The following NYAP2 variants were observed in gnomAD, a reference collection of about 807,000 sequenced individuals.
NYAP2 encodes neuronal tyrosine-phosphorylated phosphoinositide-3-kinase adaptor 2.
In NYAP2, 23 loss-of-function variants were observed where a neutral mutation model predicts 50.4. That is an observed-to-expected ratio of 0.46 (90% CI 0.33 to 0.65). The LOEUF (loss-of-function observed/expected upper bound fraction) is 0.65. Ranked by LOEUF, NYAP2 falls within the 30% of genes least tolerant of loss-of-function variation. The pLI is 0.02. For missense variants in NYAP2, 885 were observed against 861.0 expected (o/e 1.03, Z -0.35); for synonymous variants, 394 against 365.2 (o/e 1.08, Z -0.90).
chr2:225,470,859 C>T (rs1013151260), intron 3 of NYAP2, among the ~76,000 whole-genome samples: 1 of 151,774 alleles, frequency 6.6e-6, no homozygotes, highest in Non-Finnish European at 1.5e-5. Context: ...TCTATGTTGC[C>T]TAGCTGGTCT....
chr2:225,638,005 C>T (rs1178268170), intron 6 of NYAP2, among the ~76,000 whole-genome samples: 5 of 152,150 alleles, frequency 3.3e-5, no homozygotes, highest in African/African-American at 1.2e-4. Context: ...TTGTCCTTAA[C>T]TGAACTCTCA....
At chr2:225,513,509 C>T in exon 4 of NYAP2, 1 of 1,613,860 alleles carries the variant, frequency 6.2e-7, no homozygotes, top group South Asian at 1.1e-5. Flanking sequence ...GATCACAGTC[C>T]CTGCACTCGG....
At chr2:225,489,191 CTTTTA>C (rs1559193859) in intron 3 of NYAP2, among the ~76,000 whole-genome samples, 1 of 150,852 alleles carries the variant, frequency 6.6e-6, no homozygotes. Flanking sequence ...TTCTTTCTTT[CTTTTA>C]TTTATTTATT....
At chr2:225,692,664 T>A in the NYAP2 span, among the ~76,000 whole-genome samples, 5 of 152,054 alleles carry the variant, frequency 3.3e-5, no homozygotes, top group Admixed American at 6.6e-5. Context: ...TATGTATGTA[T>A]GAATTATGTA....
At chr2:225,668,754 C>T in the NYAP2 span, among the ~76,000 whole-genome samples, 1 of 152,006 alleles carries the variant, frequency 6.6e-6, no homozygotes, top group Non-Finnish European at 1.5e-5. Flanking sequence ...GCTGCACTCT[C>T]CTGGGTATTA....
chr2:225,500,570 A>G (rs567363453), intron 3 of NYAP2, among the ~76,000 whole-genome samples: 24 of 152,332 alleles, frequency 1.6e-4, no homozygotes, highest in African/African-American at 5.5e-4. Context: ...TACTTTCTAT[A>G]AAGTCTTTTA....
At chr2:225,677,765 T>A in the NYAP2 span, among the ~76,000 whole-genome samples, 3 of 152,184 alleles carry the variant, frequency 2.0e-5, no homozygotes, top group South Asian at 2.1e-4. Context: ...AAATAAAATC[T>A]TCTTGATCAT....
chr2:225,500,027 C>G (rs2106176996), intron 3 of NYAP2, among the ~76,000 whole-genome samples: 1 of 152,070 alleles, frequency 6.6e-6, no homozygotes, highest in African/African-American at 2.4e-5. Context: ...AGTGGAAGAA[C>G]AATATATGTA....
At chr2:225,522,881 C>T (rs1009167455) in intron 4 of NYAP2, among the ~76,000 whole-genome samples, 2 of 152,172 alleles carry the variant, frequency 1.3e-5, no homozygotes, top group African/African-American at 4.8e-5. Flanking sequence ...TGGTTTAACA[C>T]ATTTTAATAC....
chr2:225,559,978 T>C (rs1243473804), intron 4 of NYAP2, among the ~76,000 whole-genome samples: 1 of 152,094 alleles, frequency 6.6e-6, no homozygotes, highest in African/African-American at 2.4e-5. Flanking sequence ...ATATTTTACT[T>C]TATCTCCTCC....
intron 3 of NYAP2, among the ~76,000 whole-genome samples, chr2:225,424,534 T>C (rs1695258775): frequency 6.6e-6 from 1 of 152,030 alleles, no homozygotes. Context: ...TTTTATCAAG[T>C]CCTTACATTT....
chr2:225,414,782 G>A (rs1695096566), intron 3 of NYAP2, among the ~76,000 whole-genome samples: 2 of 152,140 alleles, frequency 1.3e-5, no homozygotes, highest in Non-Finnish European at 2.9e-5. Context: ...TATGCTAAAT[G>A]TGCAAAAAGT....
chr2:225,436,464 C>A, intron 3 of NYAP2, among the ~76,000 whole-genome samples: 1 of 152,142 alleles, frequency 6.6e-6, no homozygotes, highest in East Asian at 1.9e-4. Flanking sequence ...CTGGCATTTT[C>A]CCCATGTGTG....
intron 4 of NYAP2, among the ~76,000 whole-genome samples, chr2:225,563,863 C>G (rs1691915632): frequency 6.6e-6 from 1 of 151,980 alleles, no homozygotes; most frequent in African/African-American, 2.4e-5. Flanking sequence ...AGGTTAATAT[C>G]CCATCCTGAC....
chr2:225,555,715 T>C (rs1198989319), intron 4 of NYAP2, among the ~76,000 whole-genome samples: 1 of 152,152 alleles, frequency 6.6e-6, no homozygotes, highest in African/African-American at 2.4e-5. Context: ...CTCCTCCTCT[T>C]CTTCTGCCCA....
At chr2:225,693,197 T>C in the NYAP2 span, among the ~76,000 whole-genome samples, 6 of 152,232 alleles carry the variant, frequency 3.9e-5, no homozygotes, top group East Asian at 1.9e-4. Flanking sequence ...CACTTAGTCA[T>C]TGGGTTTCCT....
intron 4 of NYAP2, among the ~76,000 whole-genome samples, chr2:225,575,715 G>A (rs1192246597): frequency 6.6e-6 from 1 of 152,176 alleles, no homozygotes. Context: ...AGAAGAAATA[G>A]ACTCCACTTC....
intron 3 of NYAP2, among the ~76,000 whole-genome samples, chr2:225,414,561 G>A (rs1163644270): frequency 6.6e-6 from 1 of 152,060 alleles, no homozygotes; most frequent in African/African-American, 2.4e-5. Context: ...GGATAGTCGT[G>A]TATTGAACCA....
chr2:225,483,582 GCACA>G (rs138841849), intron 3 of NYAP2, among the ~76,000 whole-genome samples: 7 of 151,372 alleles, frequency 4.6e-5, no homozygotes, highest in Admixed American at 6.6e-5. Context: ...AGACGTGTGT[GCACA>G]CACACACACA....
Sources: allele counts gnomAD v4.1 joint callset (sites outside exome capture counted in the v4.1 genomes callset), GRCh38; gene constraint gnomAD v4.1.1; transcripts MANE v1.5; gene names NCBI Gene and HGNC (gene_info 2026-07-23, HGNC 2026-07-21).